The following PIK3C2B variants were observed in gnomAD, a reference collection of about 807,000 sequenced individuals.
PIK3C2B encodes phosphatidylinositol 4-phosphate 3-kinase C2 domain-containing subunit beta.
In PIK3C2B, 83 loss-of-function variants were observed where a neutral mutation model predicts 184.3. The ratio of observed to expected loss-of-function variants is 0.45; its 90% CI spans 0.38 to 0.54. PIK3C2B has a LOEUF of 0.54. Ranked by LOEUF, PIK3C2B falls within the 20% of genes least tolerant of loss-of-function variation. PIK3C2B has a pLI of 0.00. For synonymous variants in PIK3C2B, 779 were observed against 837.6 expected (o/e 0.93, Z 1.21); for missense variants, 1,736 against 2,113.5 (o/e 0.82, Z 3.50).
intron 1 of PIK3C2B, among the ~76,000 whole-genome samples, chr1:204,486,477 T>C (rs541438921): frequency 6.7e-6 from 1 of 150,250 alleles, no homozygotes; most frequent in East Asian, 1.9e-4. Context: ...ATGCCTGTAA[T>C]TCCAGCATTT....
intron 5 of PIK3C2B, among the ~76,000 whole-genome samples, chr1:204,462,338 G>A (rs570969549): frequency 4.4e-4 from 66 of 148,642 alleles, no homozygotes; most frequent in Non-Finnish European, 6.6e-4. Flanking sequence ...ACTTCTCTCC[G>A]TGGGCTGCTC....
chr1:204,449,418 T>G, intron 13 of PIK3C2B, 122 bp from the exon 14 acceptor site: 1 of 730,434 alleles, frequency 1.4e-6, no homozygotes, highest in Non-Finnish European at 2.4e-6. Context: ...CCCCTCTCAT[T>G]CTCACCGTGG....
Position 204,423,847 on chromosome 1 carries a change from A to G in PIK3C2B, c.*1005T>C, listed in dbSNP as rs1327563092. On this transcript the variant is annotated 3_prime_UTR_variant, in exon 33 of 33. Transcript: ENST00000684373. The stretch of plus-strand genomic sequence containing the variant: ...AGTCAGTAGCATCTGCAGCCTAGGG[A>G]CCTCTTCCCAGGGCCAAGATGCTCT... 6.6e-6 allele frequency: 1 copy of G among 152,458 alleles called. No individual in the cohort carries two copies. Among genetic ancestry groups the G allele is most frequent in the Non-Finnish European group, 1.5e-5 (1 of 68,020 alleles). The allele number at this position is 152,458 out of a possible 1,614,324, so 9.4% of individuals were successfully genotyped here. A position where few individuals can be genotyped will look rare whatever the true frequency, so the allele number is the denominator to read the frequency against.
At chr1:204,457,148 A>C (rs1654939697) in intron 9 of PIK3C2B, 78 bp from the exon 10 acceptor site, 2 of 1,259,276 alleles carry the variant, frequency 1.6e-6, no homozygotes, top group Admixed American at 4.3e-5. Flanking sequence ...GGCTTTTCAC[A>C]GCTGCGCTCA....
chr1:204,423,447 C>CAA lies in PIK3C2B; in HGVS notation c.*1403_*1404dup, dbSNP rs77919369. The CAA allele has an allele frequency of 0.078, 8,105 of 103,856 alleles. 330 individuals are homozygous for CAA. Among genetic ancestry groups the CAA allele is most frequent in the Non-Finnish European group, 0.11 (5,055 of 45,464 alleles). 6.4% of individuals were successfully genotyped at this position (103,856 alleles called of 1,614,324 possible). A position where few individuals can be genotyped will look rare whatever the true frequency, so the allele number is the denominator to read the frequency against. On this transcript the variant is annotated 3_prime_UTR_variant, in exon 33 of 33. Coordinates refer to ENST00000684373, the MANE Select transcript of PIK3C2B (RefSeq NM_001377334.1). ...TGGCGACAGGGCGAGACTCCGTCTC[C>CAA]AAAAAAAAAAAAAAAAATCCATCTG... is the stretch of plus-strand genomic sequence containing the variant.
chr1:204,429,803 A>C, intron 29 of PIK3C2B, 118 bp downstream of exon 29: 1 of 701,864 alleles, frequency 1.4e-6, no homozygotes, highest in South Asian at 1.6e-5. Context: ...TTCAGCCCAC[A>C]GACCCCGAAG....
At chr1:204,481,616 A>T (rs761677177) in intron 1 of PIK3C2B, among the ~76,000 whole-genome samples, 5 of 152,200 alleles carry the variant, frequency 3.3e-5, no homozygotes, top group Non-Finnish European at 7.4e-5. Flanking sequence ...CAGAAGAAAA[A>T]GGAAAACAGG....
rs35689799 is a variant in PIK3C2B at position 204,453,777 on chromosome 1, A to ATT, written c.2066+890_2066+891dup. On this transcript the variant is annotated intron_variant, in intron 12 of 32. Coordinates refer to ENST00000684373, the MANE Select transcript of PIK3C2B (RefSeq NM_001377334.1). ...TATTAAAATTAACAACTAACATTTA[A>ATT]TTTTTTTTTTTTTGAGACAGAATTT... is the stretch of plus-strand genomic sequence containing the variant. 3.3e-3 allele frequency among the ~76,000 whole-genome samples: 491 copies of ATT among 147,940 alleles called. 1 individual carries two copies. Among genetic ancestry groups the ATT allele is most frequent in the South Asian group, 0.015 (68 of 4,680 alleles).
chr1:204,474,482 T>C (rs1656563161), intron 1 of PIK3C2B, among the ~76,000 whole-genome samples: 1 of 152,212 alleles, frequency 6.6e-6, no homozygotes. Context: ...TCCGTAGCCA[T>C]TTCCACCTGC....
rs757931725 is a variant in PIK3C2B at position 204,440,188 on chromosome 1, T to A, written c.3379+4A>T. The A allele has an allele frequency of 1.2e-6, 2 of 1,611,328 alleles. No individual in the cohort carries two copies. The highest frequency in any genetic ancestry group is 2.2e-5 in the South Asian group (2 of 91,018). On this transcript the variant is annotated splice_donor_region_variant and intron_variant, in intron 22 of 32. Coordinates refer to ENST00000684373, the MANE Select transcript of PIK3C2B (RefSeq NM_001377334.1). ...CTCCACCCTCACCCCTACTCCCAACTGACCTCTGCCCCGGCCGGTGGAGAA... is the reference window on the plus strand; with the variant it reads ...CTCCACCCTCACCCCTACTCCCAACAGACCTCTGCCCCGGCCGGTGGAGAA...
chr1:204,442,011 A>T (rs1675690123), intron 20 of PIK3C2B, among the ~76,000 whole-genome samples: 1 of 152,152 alleles, frequency 6.6e-6, no homozygotes, highest in Non-Finnish European at 1.5e-5. Flanking sequence ...GACAGCTGCT[A>T]TCACCACCAC....
chr1:204,453,693 T>A (rs1381175642), intron 12 of PIK3C2B, among the ~76,000 whole-genome samples: 1 of 152,106 alleles, frequency 6.6e-6, no homozygotes, highest in Non-Finnish European at 1.5e-5. Flanking sequence ...AGGGAGAGGA[T>A]GAGAAGCCCT....
Position 204,457,846 on chromosome 1 carries a change from A to G in PIK3C2B, c.1595T>C (p.Val532Ala). The G allele has an allele frequency of 6.2e-7, 1 of 1,613,116 alleles. No homozygotes were observed. The change falls in exon 9 of 33, where the codon GTG becomes GCG. Residue 532 changes from valine to alanine, a missense_variant. By Grantham distance (64) the Val-to-Ala change is moderately conservative. Around this residue, in one of 8 missense-constraint regions of PIK3C2B, gnomAD observed 609 missense variants for 699.2 expected, o/e 0.87. Coordinates refer to ENST00000684373, the MANE Select transcript of PIK3C2B (RefSeq NM_001377334.1). ...GCAGATGGCCTTGACGGACTGGACC[A>G]CCCTGTCAGCCTTCAGTGGGAAGTC... ...DGDFPLKADR[V>A]VQSVKAICNA...
rs941532336 is a variant in PIK3C2B at position 204,433,211 on chromosome 1, T to G, written c.3953+105A>C. 1.5e-6 allele frequency: 1 copy of G among 652,786 alleles called. No homozygotes were observed. Among genetic ancestry groups the G allele is most frequent in the Non-Finnish European group, 2.7e-6 (1 of 364,758 alleles). 40.4% of individuals were successfully genotyped at this position (652,786 alleles called of 1,614,324 possible). ...ACGTGGTCAGCTCTAGGCTCTAGCATCTGAGCTAAGCTTTTCACCTTTCCC... is the reference window on the plus strand; with the variant it reads ...ACGTGGTCAGCTCTAGGCTCTAGCAGCTGAGCTAAGCTTTTCACCTTTCCC... On this transcript the variant is annotated intron_variant, in intron 26 of 32. Transcript: ENST00000684373. This position sits in a 1 kb window ranked among gnomAD's most constrained non-coding sequence, Gnocchi z 5.0.
intron 2 of PIK3C2B, among the ~76,000 whole-genome samples, chr1:204,468,258 A>G (rs956166027): frequency 6.6e-6 from 1 of 151,424 alleles, no homozygotes; most frequent in Non-Finnish European, 1.5e-5. Context: ...CAGAGCAGGG[A>G]GAGAGAGAGA....
intron 14 of PIK3C2B, among the ~76,000 whole-genome samples, chr1:204,448,589 G>A (rs1210043420): frequency 7.0e-6 from 1 of 143,266 alleles, no homozygotes; most frequent in Non-Finnish European, 1.5e-5. Context: ...AGTGAGCCAA[G>A]ATTGTGCCAT....
intron 8 of PIK3C2B, 105 bp downstream of exon 8, chr1:204,459,773 G>C: frequency 1.1e-6 from 1 of 935,112 alleles, no homozygotes; most frequent in Admixed American, 1.9e-5. Flanking sequence ...CAGATTTTCA[G>C]GCTCCACCCA....
In PIK3C2B at chr1:204,487,756, T is replaced by C. The variant is rs183754311; in HGVS notation, c.-85+6600A>G. On this transcript the variant is annotated intron_variant, in intron 1 of 32. Coordinates refer to ENST00000684373, the MANE Select transcript of PIK3C2B (RefSeq NM_001377334.1). ...GGGAAATGCTGCCTAAGACTGTATA[T>C]ATATAACTCTTGGGGCACCTTATCA... 3.3e-5 allele frequency among the ~76,000 whole-genome samples: 5 copies of C among 152,266 alleles called. No individual in the cohort carries two copies. In the East Asian group the frequency reaches 9.6e-4, roughly 29 times the overall value.
At chr1:204,482,108 ACGGGGGGGGGGG>A (rs1657203235) in intron 1 of PIK3C2B, among the ~76,000 whole-genome samples, 1 of 3,856 alleles carries the variant, frequency 2.6e-4, no homozygotes, top group South Asian at 6.8e-3. Flanking sequence ...CCATGAAAAG[ACGGGGGGGGGGG>A]GGGGGGTGCT....
Sources: gnomAD v4.1 joint callset for allele counts (sites outside exome capture counted in the v4.1 genomes callset) on GRCh38, gnomAD v4.1.1 for gene constraint, gnomAD v4.1.1 regional missense constraint, Gnocchi (gnomAD v3.1) non-coding constraint, MANE v1.5 for transcripts, NCBI Gene and HGNC (gene_info 2026-07-23, HGNC 2026-07-21) for gene names.